NLRP5: variants seen among roughly 807,000 people sequenced by gnomAD.
NLRP5 encodes NACHT, LRR and PYD domains-containing protein 5.
NLRP5 carries 93 observed loss-of-function variants against 113.1 expected under a neutral mutation model. The ratio of observed to expected loss-of-function variants is 0.82; its 90% CI spans 0.70 to 0.98. NLRP5 has a LOEUF of 0.98. Among genes scored for constraint, NLRP5 ranks in the 50% least tolerant of loss-of-function variants. The pLI is 0.00. For missense variants in NLRP5, 1,808 were observed against 1,514.3 expected, an observed-to-expected ratio of 1.19 and a Z score of -3.22; for synonymous variants, 751 against 600.7, an observed-to-expected ratio of 1.25 and a Z score of -3.66.
intron 3 of NLRP5, among the ~76,000 whole-genome samples, chr19:56,013,872 A>G (rs1982306922): frequency 6.6e-6 from 1 of 152,066 alleles, no homozygotes; most frequent in Non-Finnish European, 1.5e-5. Context: ...GTTATGAAAC[A>G]TTGACTGTGG....
At chr19:56,033,321 G>C (rs1983194796) in intron 8 of NLRP5, among the ~76,000 whole-genome samples, 1 of 152,146 alleles carries the variant, frequency 6.6e-6, no homozygotes, top group Non-Finnish European at 1.5e-5. Context: ...GTTTGGACGG[G>C]TTTGGATGGA....
At chr19:56,038,278 A>T in intron 10 of NLRP5, 83 bp downstream of exon 10, 1 of 1,432,156 alleles carries the variant, frequency 7.0e-7, no homozygotes, top group Non-Finnish European at 9.7e-7. Flanking sequence ...TCATGGTGGG[A>T]GGGAAATGAG....
In NLRP5 at chr19:56,040,977, G is replaced by C. The variant is rs768814118; in HGVS notation, c.2842G>C (p.Val948Leu). 5.0e-6 allele frequency: 8 copies of C among 1,613,862 alleles called. No homozygotes were observed. The highest frequency in any genetic ancestry group is 4.0e-5 in the African/African-American group (3 of 74,928). The stretch of plus-strand genomic sequence containing the variant: ...TTGCCAGAGTCTGGCCTCAGCCCTC[G>C]TCAGCAACCGGAGCTTGACACACCT... The change falls in exon 11 of 15, where the codon GTC becomes CTC. Residue 948 changes from valine (V) to leucine (L), a missense_variant. Coordinates refer to ENST00000390649, the MANE Select transcript of NLRP5 (RefSeq NM_153447.4).
At chr19:56,034,724 C>A (rs1238132110) in intron 9 of NLRP5, among the ~76,000 whole-genome samples, 1 of 152,208 alleles carries the variant, frequency 6.6e-6, no homozygotes, top group Non-Finnish European at 1.5e-5. Flanking sequence ...TCCACCCAAG[C>A]AGTCAAGTGT....
At chr19:56,032,852 G>A in intron 8 of NLRP5, 71 bp downstream of exon 8, 1 of 1,451,156 alleles carries the variant, frequency 6.9e-7, no homozygotes, top group Non-Finnish European at 9.4e-7. Flanking sequence ...TACCTCCTGA[G>A]AGACCCATCT....
the NLRP5 span, chr19:55,988,101 T>C: frequency 1.8e-6 from 1 of 542,898 alleles, no homozygotes; most frequent in Non-Finnish European, 3.4e-6. Flanking sequence ...TGTATTAATA[T>C]GCTATGTAAG....
At chr19:56,025,024 G>C (rs1439017827) in intron 6 of NLRP5, among the ~76,000 whole-genome samples, 1 of 139,868 alleles carries the variant, frequency 7.1e-6, no homozygotes, top group Non-Finnish European at 1.5e-5. Flanking sequence ...ATTGTGAACT[G>C]CACATGTGAG....
At chr19:56,007,461 G>A (rs55799707) in intron 2 of NLRP5, among the ~76,000 whole-genome samples, 4 of 150,554 alleles carry the variant, frequency 2.7e-5, no homozygotes, top group African/African-American at 5.0e-5. Context: ...GATAAACAAA[G>A]AAGAGGAGTT....
At chr19:56,016,117 C>T (rs1445152909) in intron 4 of NLRP5, among the ~76,000 whole-genome samples, 5 of 152,196 alleles carry the variant, frequency 3.3e-5, no homozygotes, top group Non-Finnish European at 7.4e-5. Context: ...GTATCCATCA[C>T]CTCAAATATT....
At chr19:56,024,137 T>G (rs1407817658) in intron 6 of NLRP5, among the ~76,000 whole-genome samples, 1 of 151,836 alleles carries the variant, frequency 6.6e-6, no homozygotes, top group Non-Finnish European at 1.5e-5. Context: ...ATAAAATAAT[T>G]ATAGTTTGTG....
chr19:56,010,290 A>G (rs1395294578), intron 3 of NLRP5, among the ~76,000 whole-genome samples: 1 of 152,160 alleles, frequency 6.6e-6, no homozygotes, highest in African/African-American at 2.4e-5. Context: ...CACATGGTTA[A>G]ATTGAGGCAA....
At chr19:55,999,852 G>C (rs563710205) in intron 1 of NLRP5, 2 of 1,165,954 alleles carry the variant, frequency 1.7e-6, no homozygotes, top group East Asian at 4.7e-5. Flanking sequence ...ATGACACACG[G>C]ATCGAATCCC....
chr19:56,011,366 G>C (rs962301986), intron 3 of NLRP5, among the ~76,000 whole-genome samples: 1 of 152,194 alleles, frequency 6.6e-6, no homozygotes, highest in Admixed American at 6.6e-5. Context: ...TGAGGACTAA[G>C]AGGGCAGGGT....
the NLRP5 span, among the ~76,000 whole-genome samples, chr19:55,987,497 C>T: frequency 4.6e-5 from 7 of 152,124 alleles, no homozygotes; most frequent in African/African-American, 1.2e-4. Context: ...TATGGTTAAC[C>T]GTAACTTAGT....
At chr19:56,023,467 T>C (rs1284224390) in intron 6 of NLRP5, among the ~76,000 whole-genome samples, 2 of 152,182 alleles carry the variant, frequency 1.3e-5, no homozygotes, top group African/African-American at 4.8e-5. Flanking sequence ...TCAAAAATAT[T>C]CAGGAAAACT....
upstream of NLRP5, chr19:55,999,648 A>T: frequency 9.4e-7 from 1 of 1,061,716 alleles, no homozygotes; most frequent in Non-Finnish European, 1.5e-6. Context: ...ACCCTTGAAG[A>T]GGCAGGTACT....
At chr19:56,049,529 C>T (rs766296890) in intron 11 of NLRP5, among the ~76,000 whole-genome samples, 2 of 150,500 alleles carry the variant, frequency 1.3e-5, no homozygotes, top group Non-Finnish European at 1.5e-5. Context: ...AGGATGGTCT[C>T]GAACTCTTGA....
rs1984364277 is a variant in NLRP5 at position 56,061,771 on chromosome 19, C to T, written c.*243C>T. The T allele has an allele frequency of 1.4e-5, 6 of 436,788 alleles. No individual in the cohort carries two copies. The highest frequency in any genetic ancestry group is 2.4e-5 in the Non-Finnish European group (6 of 245,556). 27.1% of individuals were successfully genotyped at this position (436,788 alleles called of 1,614,324 possible). ...GTGAAATGTCCGTCATATCTCAGAGCATATAGAGGGAATTAAATAAACACA... is the reference window on the plus strand; with the variant it reads ...GTGAAATGTCCGTCATATCTCAGAGTATATAGAGGGAATTAAATAAACACA... On this transcript the variant is annotated 3_prime_UTR_variant, in exon 15 of 15. Coordinates refer to ENST00000390649, the MANE Select transcript of NLRP5 (RefSeq NM_153447.4).
At chr19:56,060,556 C>T (rs73625347) in intron 14 of NLRP5, among the ~76,000 whole-genome samples, 4,204 of 152,094 alleles carry the variant, frequency 0.028, 223 homozygotes, top group African/African-American at 0.096. Context: ...TAAGGGAGAA[C>T]TTACTGTACC....
Sources: gnomAD v4.1 joint callset for allele counts (sites outside exome capture counted in the v4.1 genomes callset) on GRCh38, gnomAD v4.1.1 for gene constraint, MANE v1.5 for transcripts, NCBI Gene and HGNC (gene_info 2026-07-23, HGNC 2026-07-21) for gene names.